The following MACROD2 variants were observed in gnomAD, a reference collection of about 807,000 sequenced individuals.
MACROD2 encodes the protein ADP-ribose glycohydrolase MACROD2.
A neutral mutation model predicts 70.4 loss-of-function variants in MACROD2; 36 were observed. That is an observed-to-expected ratio of 0.51 (90% confidence interval 0.39 to 0.68). The LOEUF (loss-of-function observed/expected upper bound fraction) is 0.68. Among genes scored for constraint, MACROD2 ranks in the 30% least tolerant of loss-of-function variants. The probability of loss-of-function intolerance (pLI) is 0.00; values close to 1 mark genes in which losing one functional copy is unlikely to be tolerated. For synonymous variants in MACROD2, 172 were observed against 178.8 expected, an observed-to-expected ratio of 0.96 and a Z score of 0.30; for missense variants, 496 against 538.4, an observed-to-expected ratio of 0.92 and a Z score of 0.78.
intron 5 of MACROD2, among the ~76,000 whole-genome samples, chr20:15,087,439 A>G (rs1258652723): frequency 6.6e-6 from 1 of 152,068 alleles, no homozygotes; most frequent in Non-Finnish European, 1.5e-5. Flanking sequence ...ATATAATGAA[A>G]GACATTTCAA....
At chr20:15,405,002 CGTTAT>C (rs1458503424) in intron 6 of MACROD2, among the ~76,000 whole-genome samples, 3 of 152,052 alleles carry the variant, frequency 2.0e-5, no homozygotes, top group Non-Finnish European at 4.4e-5. Flanking sequence ...ACCTTAAAAA[CGTTAT>C]GCTAGGAGAA....
At chr20:15,362,924 GAGAGA>G (rs1302281187) in intron 6 of MACROD2, among the ~76,000 whole-genome samples, 1 of 151,154 alleles carries the variant, frequency 6.6e-6, no homozygotes, top group Non-Finnish European at 1.5e-5. Context: ...GAAAGGAAAT[GAGAGA>G]AGAGAAGAGG....
intron 3 of MACROD2, among the ~76,000 whole-genome samples, chr20:14,130,176 G>A (rs1008621012): frequency 6.6e-6 from 1 of 152,176 alleles, no homozygotes; most frequent in Non-Finnish European, 1.5e-5. Flanking sequence ...GCTCTGATTA[G>A]CAGAGGAGAA....
At chr20:15,191,929 T>TAGAGAGAG (rs71950480) in intron 5 of MACROD2, among the ~76,000 whole-genome samples, 24,222 of 86,276 alleles carry the variant, frequency 0.28, 2,593 homozygotes, top group South Asian at 0.42. Context: ...TATATATATA[T>TAGAGAGAG]ATAGAGAGAG....
At chr20:15,709,196 C>T (rs1158779255) in intron 8 of MACROD2, among the ~76,000 whole-genome samples, 3 of 152,204 alleles carry the variant, frequency 2.0e-5, no homozygotes, top group South Asian at 2.1e-4. Context: ...CACCAGGGGG[C>T]GGTGCACCGC....
intron 5 of MACROD2, among the ~76,000 whole-genome samples, chr20:14,802,566 T>C (rs1326877486): frequency 6.6e-6 from 1 of 151,994 alleles, no homozygotes; most frequent in South Asian, 2.1e-4. Flanking sequence ...ACATGCTGAG[T>C]GTGCCTATAA....
chr20:14,965,446 T>A (rs2074624927), intron 5 of MACROD2, among the ~76,000 whole-genome samples: 1 of 146,410 alleles, frequency 6.8e-6, no homozygotes, highest in Admixed American at 7.0e-5. Context: ...AAAAGTTATT[T>A]TTTTTTCTTT....
chr20:15,864,391 T>C (rs913751693), intron 9 of MACROD2, among the ~76,000 whole-genome samples: 2 of 152,176 alleles, frequency 1.3e-5, no homozygotes, highest in African/African-American at 4.8e-5. Flanking sequence ...GTCTTGTCAG[T>C]ATCACATCAT....
intron 8 of MACROD2, among the ~76,000 whole-genome samples, chr20:15,845,531 C>A (rs1344982946): frequency 6.6e-6 from 1 of 152,030 alleles, no homozygotes; most frequent in African/African-American, 2.4e-5. Flanking sequence ...AATAATCTTA[C>A]TTGTGGCAGT....
At chr20:14,773,011 G>T (rs1038182114) in intron 5 of MACROD2, among the ~76,000 whole-genome samples, 5 of 151,936 alleles carry the variant, frequency 3.3e-5, no homozygotes, top group African/African-American at 7.3e-5. Context: ...GTGGTGAAGT[G>T]GTTGTTTCAG....
At chr20:15,326,326 C>G (rs945183724) in intron 6 of MACROD2, among the ~76,000 whole-genome samples, 8 of 151,880 alleles carry the variant, frequency 5.3e-5, no homozygotes, top group African/African-American at 2.4e-5. Context: ...CCCTTTAAAC[C>G]TCCCCAGGCA....
intron 5 of MACROD2, among the ~76,000 whole-genome samples, chr20:14,901,579 A>C (rs752581472): frequency 2.6e-5 from 4 of 152,186 alleles, no homozygotes; most frequent in Non-Finnish European, 5.9e-5. Context: ...CAAGTATTGG[A>C]AATGATCTAA....
intron 6 of MACROD2, among the ~76,000 whole-genome samples, chr20:15,371,049 G>C (rs2146261824): frequency 6.6e-6 from 1 of 152,152 alleles, no homozygotes; most frequent in South Asian, 2.1e-4. Flanking sequence ...TCCATCCACA[G>C]GTTACCTGGT....
At chr20:16,026,287 G>A (rs1279998146) in intron 15 of MACROD2, among the ~76,000 whole-genome samples, 2 of 152,200 alleles carry the variant, frequency 1.3e-5, no homozygotes, top group Non-Finnish European at 2.9e-5. Context: ...TGCAGGAGGG[G>A]AGAGCCTCAG....
intron 8 of MACROD2, among the ~76,000 whole-genome samples, chr20:15,672,934 T>C (rs1280507357): frequency 4.6e-5 from 7 of 152,178 alleles, no homozygotes; most frequent in East Asian, 1.9e-4. Context: ...GATCTGATGA[T>C]TTTATAAAGG....
intron 4 of MACROD2, among the ~76,000 whole-genome samples, chr20:14,562,876 G>A (rs147600704): frequency 6.6e-6 from 1 of 151,620 alleles, no homozygotes; most frequent in Admixed American, 6.6e-5. Context: ...CCTCTTCTGG[G>A]GATATGCTAG....
chr20:15,908,059 C>T (rs1004808203), intron 10 of MACROD2, among the ~76,000 whole-genome samples: 1 of 152,188 alleles, frequency 6.6e-6, no homozygotes, highest in African/African-American at 2.4e-5. Context: ...TATTGCATAT[C>T]TATTTATGAA....
At chr20:16,037,695 A>C (rs2067253618) in intron 15 of MACROD2, among the ~76,000 whole-genome samples, 2 of 151,918 alleles carry the variant, frequency 1.3e-5, no homozygotes, top group African/African-American at 4.8e-5. Context: ...GACCAGCCAC[A>C]ATATCCTCTT....
At chr20:15,559,139 A>C (rs955843594) in intron 8 of MACROD2, among the ~76,000 whole-genome samples, 11 of 147,016 alleles carry the variant, frequency 7.5e-5, no homozygotes, top group Non-Finnish European at 1.5e-5. Context: ...AGGCAGGAGA[A>C]TGGCGTGAAC....
Sources: gnomAD v4.1 joint callset for allele counts (sites outside exome capture counted in the v4.1 genomes callset) on GRCh38, gnomAD v4.1.1 for gene constraint, MANE v1.5 for transcripts, NCBI Gene and HGNC (gene_info 2026-07-23, HGNC 2026-07-21) for gene names.